SH3GL2: variants seen among roughly 807,000 people sequenced by gnomAD.
SH3GL2 encodes endophilin-A1.
SH3GL2 carries 24 observed loss-of-function variants against 46.0 expected under a neutral mutation model. That is an observed-to-expected ratio of 0.52 (90% CI 0.38 to 0.73). SH3GL2 has a LOEUF of 0.73. Ranked by LOEUF, SH3GL2 falls within the 30% of genes least tolerant of loss-of-function variation. SH3GL2 has a pLI of 0.00. For synonymous variants in SH3GL2, 196 were observed against 147.1 expected (o/e 1.33, Z -2.40); for missense variants, 413 against 424.2 (o/e 0.97, Z 0.23).
intron 3 of SH3GL2, among the ~76,000 whole-genome samples, chr9:17,771,864 G>C (rs537586942): frequency 6.6e-6 from 1 of 151,744 alleles, no homozygotes; most frequent in African/African-American, 2.4e-5. Context: ...AGAGTAGCAC[G>C]ATCCAGTGCT....
At chr9:17,616,479 T>A (rs962738311) in intron 1 of SH3GL2, among the ~76,000 whole-genome samples, 4 of 152,106 alleles carry the variant, frequency 2.6e-5, no homozygotes, top group Non-Finnish European at 4.4e-5. Flanking sequence ...AGGAAGGTGG[T>A]GTACTTTTTG....
chr9:17,736,926 A>C (rs1228246368), intron 1 of SH3GL2, among the ~76,000 whole-genome samples: 2 of 152,150 alleles, frequency 1.3e-5, no homozygotes, highest in South Asian at 4.1e-4. Context: ...AGGACTGTTC[A>C]CAATAGCAAA....
intron 1 of SH3GL2, among the ~76,000 whole-genome samples, chr9:17,644,269 A>C (rs11562202): frequency 6.6e-6 from 1 of 150,572 alleles, no homozygotes; most frequent in Non-Finnish European, 1.5e-5. Flanking sequence ...TAGTTTGTCA[A>C]CTCTTTCAGA....
At chr9:17,690,373 C>G (rs892364132) in intron 1 of SH3GL2, among the ~76,000 whole-genome samples, 1 of 152,116 alleles carries the variant, frequency 6.6e-6, no homozygotes, top group Non-Finnish European at 1.5e-5. Context: ...ATCTCCCTAT[C>G]CACTATCTGA....
intron 1 of SH3GL2, among the ~76,000 whole-genome samples, chr9:17,611,458 T>C (rs1347234598): frequency 6.6e-6 from 1 of 152,214 alleles, no homozygotes; most frequent in East Asian, 1.9e-4. Flanking sequence ...AGAACTTTAT[T>C]GGCTTCAGTT....
At chr9:17,646,875 G>A (rs1316919932) in intron 1 of SH3GL2, among the ~76,000 whole-genome samples, 1 of 152,236 alleles carries the variant, frequency 6.6e-6, no homozygotes, top group Non-Finnish European at 1.5e-5. Context: ...TGAGGAGGCA[G>A]TCTGTCCGTT....
intron 1 of SH3GL2, among the ~76,000 whole-genome samples, chr9:17,665,354 T>C (rs1377855475): frequency 6.6e-6 from 1 of 152,198 alleles, no homozygotes; most frequent in Non-Finnish European, 1.5e-5. Flanking sequence ...TGTTTAATTA[T>C]TATGTCTTAA....
At chr9:17,601,846 A>G (rs1485152495) in intron 1 of SH3GL2, among the ~76,000 whole-genome samples, 2 of 152,158 alleles carry the variant, frequency 1.3e-5, no homozygotes, top group Non-Finnish European at 2.9e-5. Flanking sequence ...GGAAATCTTC[A>G]TCTGTCTGTG....
intron 3 of SH3GL2, among the ~76,000 whole-genome samples, chr9:17,771,925 C>G (rs1012487097): frequency 2.6e-5 from 4 of 152,148 alleles, no homozygotes; most frequent in Non-Finnish European, 4.4e-5. Flanking sequence ...CTTCCCTTTT[C>G]TCAGTGTCTT....
chr9:17,764,752 TG>T (rs1823273687), intron 3 of SH3GL2, among the ~76,000 whole-genome samples: 1 of 46,976 alleles, frequency 2.1e-5, no homozygotes, highest in Non-Finnish European at 4.7e-5. Context: ...GAGGGTACTT[TG>T]GGAGTACATC....
At chr9:17,660,178 C>G (rs1166449526) in intron 1 of SH3GL2, among the ~76,000 whole-genome samples, 1 of 152,112 alleles carries the variant, frequency 6.6e-6, no homozygotes, top group African/African-American at 2.4e-5. Flanking sequence ...TTCACGTGTG[C>G]TTTCTTTGGC....
intron 1 of SH3GL2, among the ~76,000 whole-genome samples, chr9:17,700,417 C>G (rs976955946): frequency 2.0e-5 from 3 of 152,180 alleles, no homozygotes; most frequent in African/African-American, 7.2e-5. Flanking sequence ...TACCCTAAGA[C>G]TCAGTTGTGA....
intron 1 of SH3GL2, among the ~76,000 whole-genome samples, chr9:17,708,900 C>G (rs1156671444): frequency 6.6e-6 from 1 of 151,998 alleles, no homozygotes; most frequent in African/African-American, 2.4e-5. Flanking sequence ...GAGCTTCAGG[C>G]TTGTTAGGTT....
At chr9:17,717,040 G>A (rs1041232434) in intron 1 of SH3GL2, among the ~76,000 whole-genome samples, 4 of 151,970 alleles carry the variant, frequency 2.6e-5, no homozygotes, top group African/African-American at 7.2e-5. Context: ...TTTTTATTTC[G>A]TCAGAACCTG....
chr9:17,591,069 C>T (rs1470115891), intron 1 of SH3GL2: 1 of 152,146 alleles, frequency 6.6e-6, no homozygotes, highest in Non-Finnish European at 1.5e-5. Context: ...ACATTTAATT[C>T]ACTTTTTACA....
intron 3 of SH3GL2, among the ~76,000 whole-genome samples, chr9:17,778,826 A>G (rs898249265): frequency 2.0e-5 from 3 of 152,168 alleles, no homozygotes; most frequent in Non-Finnish European, 4.4e-5. Context: ...GACATCAAAG[A>G]TAACTATGAA....
chr9:17,785,047 C>T (rs1347804223), intron 3 of SH3GL2, among the ~76,000 whole-genome samples: 2 of 152,108 alleles, frequency 1.3e-5, no homozygotes, highest in Non-Finnish European at 2.9e-5. Context: ...ACATATGATC[C>T]CTTTTATATG....
At chr9:17,696,035 A>G (rs936305964) in intron 1 of SH3GL2, among the ~76,000 whole-genome samples, 2 of 152,232 alleles carry the variant, frequency 1.3e-5, no homozygotes, top group South Asian at 2.1e-4. Context: ...TTGTCCTGCA[A>G]GCTGATACAA....
intron 1 of SH3GL2, among the ~76,000 whole-genome samples, chr9:17,623,029 TCCTTTCCTTTCCTTCCCCTTC>T (rs1819187123): frequency 9.5e-6 from 1 of 105,632 alleles, no homozygotes; most frequent in African/African-American, 4.0e-5. Flanking sequence ...TCCTTTCCTT[TCCTTTCCTTTCCTTCCCCTTC>T]CCCTTCCCCT....
Sources: allele counts gnomAD v4.1 joint callset (sites outside exome capture counted in the v4.1 genomes callset), GRCh38; gene constraint gnomAD v4.1.1; transcripts MANE v1.5; gene names NCBI Gene and HGNC (gene_info 2026-07-23, HGNC 2026-07-21).